SLC24A2: variants seen among roughly 807,000 people sequenced by gnomAD.
SLC24A2 encodes sodium/potassium/calcium exchanger 2.
SLC24A2 carries 36 observed loss-of-function variants against 62.0 expected under a neutral mutation model. That is an observed-to-expected ratio of 0.58 (90% CI 0.44 to 0.77). The LOEUF is 0.77. Among genes scored for constraint, SLC24A2 ranks in the 30% least tolerant of loss-of-function variants. The pLI is 0.00. For missense variants in SLC24A2, 846 were observed against 817.9 expected (o/e 1.03, Z -0.42); for synonymous variants, 358 against 294.0 (o/e 1.22, Z -2.23).
chr9:19,823,600 G>C, the SLC24A2 span, among the ~76,000 whole-genome samples: 10 of 151,852 alleles, frequency 6.6e-5, no homozygotes, highest in African/African-American at 2.4e-4. Flanking sequence ...CTGCACTCCA[G>C]CCTGGCAATA....
At chr9:20,229,290 G>C in the SLC24A2 span, among the ~76,000 whole-genome samples, 1 of 152,086 alleles carries the variant, frequency 6.6e-6, no homozygotes, top group Non-Finnish European at 1.5e-5. Flanking sequence ...TTGATCAAGT[G>C]CTTTGACCTG....
At chr9:19,912,986 C>T in the SLC24A2 span, among the ~76,000 whole-genome samples, 1 of 152,032 alleles carries the variant, frequency 6.6e-6, no homozygotes, top group South Asian at 2.1e-4. Flanking sequence ...ATATTCTCTC[C>T]TTCTTCAAAG....
the SLC24A2 span, among the ~76,000 whole-genome samples, chr9:20,261,056 A>G: frequency 2.0e-5 from 3 of 151,340 alleles, no homozygotes; most frequent in African/African-American, 7.3e-5. Context: ...GGGTTTCACC[A>G]TATTGGCCAG....
chr9:20,016,603 T>C, the SLC24A2 span, among the ~76,000 whole-genome samples: 1 of 152,228 alleles, frequency 6.6e-6, no homozygotes, highest in Admixed American at 6.5e-5. Flanking sequence ...TATGATTTAT[T>C]TTACTCTTCA....
the SLC24A2 span, among the ~76,000 whole-genome samples, chr9:20,270,951 C>T: frequency 6.6e-6 from 1 of 152,172 alleles, no homozygotes; most frequent in Admixed American, 6.5e-5. Context: ...AATCCAGTTT[C>T]CTTTTTTATC....
At chr9:19,882,180 C>A in the SLC24A2 span, among the ~76,000 whole-genome samples, 1 of 152,080 alleles carries the variant, frequency 6.6e-6, no homozygotes, top group African/African-American at 2.4e-5. Flanking sequence ...AAATAGCTTT[C>A]TAGAAATATT....
At chr9:20,217,530 G>A in the SLC24A2 span, among the ~76,000 whole-genome samples, 9 of 152,164 alleles carry the variant, frequency 5.9e-5, no homozygotes, top group African/African-American at 1.9e-4. Context: ...AGAACAAGCT[G>A]GTGCTGGGAG....
At chr9:20,083,161 G>A in the SLC24A2 span, among the ~76,000 whole-genome samples, 3 of 152,234 alleles carry the variant, frequency 2.0e-5, no homozygotes, top group Non-Finnish European at 2.9e-5. Context: ...TGTACCTTGT[G>A]TGATTGGAGT....
chr9:20,103,980 T>G, the SLC24A2 span, among the ~76,000 whole-genome samples: 8 of 152,168 alleles, frequency 5.3e-5, no homozygotes, highest in African/African-American at 1.9e-4. Context: ...ATAACTAGAA[T>G]AACCAAAACA....
the SLC24A2 span, among the ~76,000 whole-genome samples, chr9:20,247,459 G>T: frequency 1.3e-5 from 2 of 152,192 alleles, no homozygotes; most frequent in South Asian, 4.2e-4. Flanking sequence ...AAATTATGAG[G>T]GTGAAGCCCC....
At chr9:20,170,127 A>G in the SLC24A2 span, among the ~76,000 whole-genome samples, 1 of 137,814 alleles carries the variant, frequency 7.3e-6, no homozygotes, top group Non-Finnish European at 1.5e-5. Flanking sequence ...CAATCCAACA[A>G]AGACAAAAAG....
chr9:19,553,542 C>G (rs1834942676), intron 7 of SLC24A2, among the ~76,000 whole-genome samples: 1 of 152,158 alleles, frequency 6.6e-6, no homozygotes, highest in Non-Finnish European at 1.5e-5. Flanking sequence ...AAATCTGACA[C>G]AAAAACATAT....
chr9:19,828,547 C>T, the SLC24A2 span, among the ~76,000 whole-genome samples: 1,878 of 152,218 alleles, frequency 0.012, 32 homozygotes, highest in Non-Finnish European at 0.016. Context: ...GTTCTCAGTA[C>T]TCTGTGAGTA....
chr9:20,164,878 G>A, the SLC24A2 span, among the ~76,000 whole-genome samples: 23 of 150,482 alleles, frequency 1.5e-4, no homozygotes, highest in African/African-American at 3.7e-4. Context: ...GTAAACTATC[G>A]CAAGAACAAC....
chr9:20,115,382 T>C, the SLC24A2 span, among the ~76,000 whole-genome samples: 1 of 152,140 alleles, frequency 6.6e-6, no homozygotes. Flanking sequence ...CTCAGTCAGA[T>C]ACGGAAACGT....
the SLC24A2 span, among the ~76,000 whole-genome samples, chr9:20,063,036 T>C: frequency 8.5e-6 from 1 of 117,836 alleles, no homozygotes; most frequent in African/African-American, 3.6e-5. Context: ...ACTTTTACAC[T>C]GTTGGTGGGA....
the SLC24A2 span, among the ~76,000 whole-genome samples, chr9:20,200,477 G>T: frequency 6.6e-6 from 1 of 152,212 alleles, no homozygotes; most frequent in Non-Finnish European, 1.5e-5. Flanking sequence ...CACACTAAAT[G>T]TATCTCTAAC....
chr9:20,264,719 G>T, the SLC24A2 span, among the ~76,000 whole-genome samples: 9 of 152,258 alleles, frequency 5.9e-5, no homozygotes, highest in South Asian at 1.9e-3. Context: ...AAATATAGGT[G>T]CTTAATATTT....
chr9:19,596,233 T>G (rs1233050943), intron 5 of SLC24A2, among the ~76,000 whole-genome samples: 1 of 152,196 alleles, frequency 6.6e-6, no homozygotes, highest in East Asian at 1.9e-4. Flanking sequence ...GCTTAGAATA[T>G]TAGAAGCTGA....
Sources: allele counts gnomAD v4.1 joint callset (sites outside exome capture counted in the v4.1 genomes callset), GRCh38; gene constraint gnomAD v4.1.1; transcripts MANE v1.5; gene names NCBI Gene and HGNC (gene_info 2026-07-23, HGNC 2026-07-21).